Variants in NBPF3 observed in about 807,000 individuals in gnomAD.
NBPF3 encodes NBPF family member NBPF3.
In NBPF3, 57 loss-of-function variants were observed where a neutral mutation model predicts 78.1. The observed-to-expected ratio is 0.73, with a 90% CI of 0.59 to 0.91. NBPF3 has a LOEUF of 0.91. Ranked by LOEUF, NBPF3 falls within the 40% of genes least tolerant of loss-of-function variation. The probability of loss-of-function intolerance (pLI) is 0.00; values close to 1 mark genes in which losing one functional copy is unlikely to be tolerated. For missense variants in NBPF3, 510 were observed against 715.3 expected (o/e 0.71, Z 3.27); for synonymous variants, 182 against 271.7 (o/e 0.67, Z 3.25).
chr1:21,470,082 A>G (rs1258252411), intron 3 of NBPF3, among the ~76,000 whole-genome samples: 4 of 152,228 alleles, frequency 2.6e-5, no homozygotes, highest in Non-Finnish European at 4.4e-5. Context: ...GTATTCGGGC[A>G]GATTTCCTTC....
At chr1:21,449,759 C>T (rs1475274485) in intron 2 of NBPF3, 5 of 167,964 alleles carry the variant, frequency 3.0e-5, no homozygotes, top group Admixed American at 2.0e-4. Context: ...ACATGAACCA[C>T]GGCCTGACCT....
rs753537574 is a variant in NBPF3, at chr1:21,470,627, C to G, written c.344-5C>G. On this transcript the variant is annotated splice_region_variant and splice_polypyrimidine_tract_variant and intron_variant, in intron 3 of 14. Coordinates refer to ENST00000318249, the MANE Select transcript of NBPF3 (RefSeq NM_032264.6). Reference sequence around the variant, plus strand: ...ACTGAGGCAGGCGTGTGTGTCTTTTCTCAGACTATGAAGACTGCAAAGACC... The same window carrying G: ...ACTGAGGCAGGCGTGTGTGTCTTTTGTCAGACTATGAAGACTGCAAAGACC... 6.3e-7 allele frequency: 1 copy of G among 1,587,726 alleles called. No individual in the cohort carries two copies. Among genetic ancestry groups the G allele is most frequent in the East Asian group, 2.3e-5 (1 of 43,632 alleles).
At chr1:21,444,215 C>A (rs1640830870) in intron 1 of NBPF3, among the ~76,000 whole-genome samples, 1 of 152,212 alleles carries the variant, frequency 6.6e-6, no homozygotes, top group African/African-American at 2.4e-5. Flanking sequence ...TTTTCACCAT[C>A]TAACAAATAA....
chr1:21,459,652 A>G, intron 2 of NBPF3: 1 of 306,478 alleles, frequency 3.3e-6, no homozygotes. Flanking sequence ...AGGGGAAGGA[A>G]CAAAGGAGGT....
In NBPF3 at chr1:21,468,782, C is replaced by G. The variant is rs201567289; in HGVS notation, c.228C>G (p.Ile76Met). 73 of 1,613,956 alleles carry G rather than the reference C, an allele frequency of 4.5e-5. No individual in the cohort carries two copies. In the African/African-American group the frequency reaches 9.1e-4, roughly 20 times the overall value. The part of the protein sequence containing the change: ...GEKAEMNILE[I>M]NKKSRPQLAE... ...AGGCAGAGATGAACATTCTAGAAAT[C>G]AACAAGAAATCGCGCCCCCAGCTGG... The change falls in exon 3 of 15, where the codon ATC becomes ATG. Residue 76 changes from isoleucine to methionine, a missense_variant. Coordinates refer to ENST00000318249, the MANE Select transcript of NBPF3 (RefSeq NM_032264.6).
chr1:21,438,237 C>A (rs935321786), upstream of NBPF3, among the ~76,000 whole-genome samples: 1 of 151,962 alleles, frequency 6.6e-6, no homozygotes, highest in African/African-American at 2.4e-5. Flanking sequence ...CTCAGCCTCC[C>A]GAGTAGCTGG....
intron 8 of NBPF3, among the ~76,000 whole-genome samples, chr1:21,477,506 T>G (rs1475018804): frequency 6.6e-6 from 1 of 152,162 alleles, no homozygotes; most frequent in Non-Finnish European, 1.5e-5. Context: ...GTTTGTTAGT[T>G]TTCCTTTTAA....
At chr1:21,466,900 G>T in intron 2 of NBPF3, 1 of 825,810 alleles carries the variant, frequency 1.2e-6, no homozygotes, top group South Asian at 5.5e-5. Flanking sequence ...GAATTGGTCA[G>T]TGAACAACTG....
chr1:21,437,178 G>T (rs1398273923), upstream of NBPF3, among the ~76,000 whole-genome samples: 1 of 152,046 alleles, frequency 6.6e-6, no homozygotes. Context: ...CAGAGCTTGG[G>T]AACTAGGGGC....
Position 21,467,158 on chromosome 1 carries a change from C to T in NBPF3, c.134-1530C>T, listed in dbSNP as rs1255889113. The T allele has an allele frequency of 3.1e-5, 31 of 985,042 alleles. 1 individual carries two copies. Among genetic ancestry groups the T allele is most frequent in the African/African-American group, 1.9e-4 (11 of 57,206 alleles). The allele number at this position is 985,042 out of a possible 1,614,324, so 61.0% of individuals were successfully genotyped here. On this transcript the variant is annotated intron_variant, in intron 2 of 14. Coordinates refer to ENST00000318249, the MANE Select transcript of NBPF3 (RefSeq NM_032264.6). The stretch of plus-strand genomic sequence containing the variant: ...ATACATTTACTTAAAGCCGTTGATA[C>T]GTCTTAAAGCGGTTTCCTTACAGTG...
chr1:21,462,289 T>C (rs1641994351), intron 2 of NBPF3, among the ~76,000 whole-genome samples: 1 of 152,204 alleles, frequency 6.6e-6, no homozygotes, highest in Admixed American at 6.5e-5. Flanking sequence ...GGGGAATGAG[T>C]ATTGACTGGC....
Position 21,480,165 on chromosome 1 carries a change from C to T in NBPF3, c.1323C>T (p.Tyr441=), listed in dbSNP as rs773008855. ...AACTGCCTGACTTATGCCAGCCCTA[C>T]AGAAGTGACTTTTACTCATTGCAGG... ...YLELPDLCQP[Y]RSDFYSLQEQ... Residue 441 remains tyrosine (Y), a synonymous_variant, in exon 11 of 15, where the codon TAC becomes TAT. Transcript: ENST00000318249. 1.6e-6 allele frequency: 2 copies of T among 1,214,394 alleles called. No homozygotes were observed. The highest frequency in any genetic ancestry group is 1.2e-5 in the South Asian group (1 of 80,320). The allele number at this position is 1,214,394 out of a possible 1,614,324, so 75.2% of individuals were successfully genotyped here. A position where few individuals can be genotyped will look rare whatever the true frequency, so the allele number is the denominator to read the frequency against.
Position 21,460,297 on chromosome 1 carries a change from A to G in NBPF3, c.134-8391A>G, listed in dbSNP as rs894130405. Among the ~76,000 whole-genome samples the G allele has an allele frequency of 6.6e-6, 1 of 152,184 alleles. No homozygotes were observed. Among genetic ancestry groups the G allele is most frequent in the Non-Finnish European group, 1.5e-5 (1 of 68,034 alleles). ...GTGCAGGTTTGTTACATAGGTGTAC[A>G]TGTGCCATGTTGGTTTGCTGCACCC... On this transcript the variant is annotated intron_variant, in intron 2 of 14. Transcript: ENST00000318249. The surrounding 1 kb of genome is among the most constrained non-coding windows in gnomAD (Gnocchi z 4.2).
At chr1:21,449,306 C>G (rs1054559715) in intron 2 of NBPF3, among the ~76,000 whole-genome samples, 1 of 145,396 alleles carries the variant, frequency 6.9e-6, no homozygotes, top group Non-Finnish European at 1.6e-5. Context: ...GTTTATGGCT[C>G]TCCTTGAAAT....
At chr1:21,456,122 G>A (rs1207273966) in intron 2 of NBPF3, among the ~76,000 whole-genome samples, 1 of 152,208 alleles carries the variant, frequency 6.6e-6, no homozygotes, top group Non-Finnish European at 1.5e-5. Flanking sequence ...GGGAAATTCT[G>A]TGGGCTTTCC....
At chr1:21,463,868 G>A (rs368841032) in intron 2 of NBPF3, among the ~76,000 whole-genome samples, 5 of 152,106 alleles carry the variant, frequency 3.3e-5, no homozygotes, top group Non-Finnish European at 7.4e-5. Context: ...AATGTTTTTC[G>A]TCATTAGGAA....
At chr1:21,456,990 G>C (rs1246326606) in intron 2 of NBPF3, among the ~76,000 whole-genome samples, 1 of 152,184 alleles carries the variant, frequency 6.6e-6, no homozygotes, top group Admixed American at 6.5e-5. Context: ...ATCTGCCAAA[G>C]CTAATTAGTG....
intron 1 of NBPF3, among the ~76,000 whole-genome samples, chr1:21,443,239 T>A (rs924352582): frequency 2.0e-5 from 3 of 152,230 alleles, no homozygotes; most frequent in Non-Finnish European, 4.4e-5. Context: ...GGTGATAATT[T>A]ATAAATGATT....
chr1:21,456,447 C>T (rs1243811108), intron 2 of NBPF3, among the ~76,000 whole-genome samples: 1 of 152,082 alleles, frequency 6.6e-6, no homozygotes, highest in Non-Finnish European at 1.5e-5. Flanking sequence ...AATGATTATA[C>T]ACTTTCATGC....
Sources: gnomAD v4.1 joint callset for allele counts (sites outside exome capture counted in the v4.1 genomes callset) on GRCh38, gnomAD v4.1.1 for gene constraint, Gnocchi (gnomAD v3.1) non-coding constraint, MANE v1.5 for transcripts, NCBI Gene and HGNC (gene_info 2026-07-23, HGNC 2026-07-21) for gene names.